PLEKHM3: variants seen among roughly 807,000 people sequenced by gnomAD.
The protein encoded by PLEKHM3 is pleckstrin homology domain-containing family M member 3.
PLEKHM3 carries 45 observed loss-of-function variants against 81.8 expected under a neutral mutation model. The ratio of observed to expected loss-of-function variants is 0.55; its 90% CI spans 0.43 to 0.71. PLEKHM3 has a LOEUF of 0.71. Among genes scored for constraint, PLEKHM3 ranks in the 30% least tolerant of loss-of-function variants. The pLI is 0.00. For missense variants in PLEKHM3, 788 were observed against 924.3 expected, an observed-to-expected ratio of 0.85 and a Z score of 1.91; for synonymous variants, 352 against 356.4, an observed-to-expected ratio of 0.99 and a Z score of 0.14.
intron 1 of PLEKHM3, among the ~76,000 whole-genome samples, chr2:208,012,343 G>T (rs1692731099): frequency 6.6e-6 from 1 of 152,192 alleles, no homozygotes; most frequent in Admixed American, 6.5e-5. Flanking sequence ...AGAGAGGTGA[G>T]TAAAGTAATG....
intron 6 of PLEKHM3, among the ~76,000 whole-genome samples, chr2:207,898,823 G>A (rs905305087): frequency 7.2e-5 from 11 of 152,258 alleles, no homozygotes; most frequent in African/African-American, 2.4e-4. Flanking sequence ...TCGGGCTCAG[G>A]AGGTCAAAGC....
chr2:207,832,945 C>G (rs939907398), intron 7 of PLEKHM3, among the ~76,000 whole-genome samples: 1 of 151,744 alleles, frequency 6.6e-6, no homozygotes, highest in African/African-American at 2.4e-5. Context: ...AACCCTGTCT[C>G]TACTAAAAAC....
In PLEKHM3 at chr2:207,822,326, G is replaced by T. The variant is rs1015892658; in HGVS notation, c.*5993C>A. ...AAAACCTTTGAAAGGTGAAAGATAA[G>T]AAAATCCTTGTGTTTGTGTAATTTT... On this transcript the variant is annotated 3_prime_UTR_variant, in exon 8 of 8. Coordinates refer to ENST00000427836, the MANE Select transcript of PLEKHM3 (RefSeq NM_001080475.3). 1.3e-5 allele frequency: 2 copies of T among 152,654 alleles called. No homozygotes were observed. The highest frequency in any genetic ancestry group is 4.8e-5 in the African/African-American group (2 of 41,454). 9.5% of individuals were successfully genotyped at this position (152,654 alleles called of 1,614,324 possible). A position where few individuals can be genotyped will look rare whatever the true frequency, so the allele number is the denominator to read the frequency against.
chr2:207,921,680 C>A (rs554610653), intron 5 of PLEKHM3, among the ~76,000 whole-genome samples: 1 of 152,214 alleles, frequency 6.6e-6, no homozygotes, highest in Non-Finnish European at 1.5e-5. Flanking sequence ...CCCTTCCCCA[C>A]CTCTAGTGAC....
At chr2:207,853,272 C>T (rs1333248965) in intron 7 of PLEKHM3, among the ~76,000 whole-genome samples, 1 of 151,754 alleles carries the variant, frequency 6.6e-6, no homozygotes, top group Admixed American at 6.6e-5. Context: ...ACAAAATTAG[C>T]CGAGTGTCTT....
rs1156274782 is a variant in PLEKHM3 at position 207,827,282 on chromosome 2, G to C, written c.*1037C>G. Reference sequence around the variant, plus strand: ...AATGAAAGTGCAGGAAGAACAACGAGAAATAAAGCACTTAAAATGAATAGG... The same window carrying C: ...AATGAAAGTGCAGGAAGAACAACGACAAATAAAGCACTTAAAATGAATAGG... On this transcript the variant is annotated 3_prime_UTR_variant, in exon 8 of 8. Coordinates refer to ENST00000427836, the MANE Select transcript of PLEKHM3 (RefSeq NM_001080475.3). The C allele has an allele frequency of 6.6e-6, 1 of 151,356 alleles. No homozygotes were observed. The highest frequency in any genetic ancestry group is 2.2e-4 in the South Asian group (1 of 4,640). The allele number at this position is 151,356 out of a possible 1,614,324, so 9.4% of individuals were successfully genotyped here.
intron 3 of PLEKHM3, among the ~76,000 whole-genome samples, chr2:207,950,117 G>C (rs556483507): frequency 6.6e-6 from 1 of 152,140 alleles, no homozygotes; most frequent in African/African-American, 2.4e-5. Context: ...GGTCCATTCA[G>C]GTTTTAGTTT....
intron 1 of PLEKHM3, among the ~76,000 whole-genome samples, chr2:208,015,490 T>A (rs1692874385): frequency 6.6e-6 from 1 of 152,068 alleles, no homozygotes; most frequent in African/African-American, 2.4e-5. Flanking sequence ...AAAAATCACC[T>A]CTATAATACT....
At chr2:208,020,225 G>C (rs1693080527) in intron 1 of PLEKHM3, among the ~76,000 whole-genome samples, 1 of 152,232 alleles carries the variant, frequency 6.6e-6, no homozygotes, top group Admixed American at 6.5e-5. Context: ...GGTTACACTA[G>C]TCAGGAGAAC....
At chr2:207,831,323 G>C (rs980234622) in intron 7 of PLEKHM3, among the ~76,000 whole-genome samples, 3 of 152,218 alleles carry the variant, frequency 2.0e-5, no homozygotes, top group African/African-American at 4.8e-5. Context: ...AGTTGTGACT[G>C]GAACCCAGGG....
In PLEKHM3 at chr2:207,977,032, G is replaced by A. The variant is rs1259449242; in HGVS notation, c.1165C>T (p.Leu389Phe). 1.2e-6 allele frequency: 2 copies of A among 1,614,110 alleles called. No individual in the cohort carries two copies. Among genetic ancestry groups the A allele is most frequent in the Non-Finnish European group, 1.7e-6 (2 of 1,180,052 alleles). The change falls in exon 3 of 8, where the codon CTT becomes TTT. Residue 389 changes from leucine (L) to phenylalanine (F), a missense_variant. By Grantham distance (22) the Leu-to-Phe change is conservative. Coordinates refer to ENST00000427836, the MANE Select transcript of PLEKHM3 (RefSeq NM_001080475.3). ...AGCTTGCCAGGCTGAAAAGCCATAA[G>A]GTAAGCCCTGCTCAGCACAAATGTA... is the stretch of plus-strand genomic sequence containing the variant. Reference protein sequence around the residue: ...AFTFVLSRAYLMAFQPGKLDE... With the variant: ...AFTFVLSRAYFMAFQPGKLDE...
In PLEKHM3 at chr2:207,867,719, G is replaced by A. The variant is rs142301061; in HGVS notation, c.1951-6457C>T. Among the ~76,000 whole-genome samples, 357 of 152,002 alleles carry A rather than the reference G, an allele frequency of 2.3e-3. 1 individual carries two copies. Among genetic ancestry groups the A allele is most frequent in the Non-Finnish European group, 4.5e-3 (307 of 68,010 alleles). On this transcript the variant is annotated intron_variant, in intron 6 of 7. Transcript: ENST00000427836. ...TACACACATAGACATATACATTTATGTTTATAAATATATTATTTATTTATT... is the reference window on the plus strand; with the variant it reads ...TACACACATAGACATATACATTTATATTTATAAATATATTATTTATTTATT...
intron 3 of PLEKHM3, among the ~76,000 whole-genome samples, chr2:207,946,901 C>G (rs1198822556): frequency 6.6e-6 from 1 of 152,158 alleles, no homozygotes; most frequent in Non-Finnish European, 1.5e-5. Flanking sequence ...GTTTAACCAG[C>G]ACCACTTCTC....
Position 207,842,305 on chromosome 2 carries a change from A to G in PLEKHM3, c.2109-13809T>C, listed in dbSNP as rs79632827. 2.0e-3 allele frequency among the ~76,000 whole-genome samples: 298 copies of G among 152,328 alleles called. 1 individual carries two copies. Among genetic ancestry groups the G allele is most frequent in the African/African-American group, 7.0e-3 (291 of 41,576 alleles). ...GATGCACCTGTATAATAAACACCTCAGGTAGTTAAGAACTAATCCTGGCTT... is the reference window on the plus strand; with the variant it reads ...GATGCACCTGTATAATAAACACCTCGGGTAGTTAAGAACTAATCCTGGCTT... On this transcript the variant is annotated intron_variant, in intron 7 of 7. Coordinates refer to ENST00000427836, the MANE Select transcript of PLEKHM3 (RefSeq NM_001080475.3).
rs983710340 is a variant in PLEKHM3, at chr2:207,937,439, G to A, written c.1693-6320C>T. 2.6e-5 allele frequency among the ~76,000 whole-genome samples: 4 copies of A among 151,902 alleles called. No homozygotes were observed. In the East Asian group the frequency reaches 5.8e-4, roughly 22 times the overall value. On this transcript the variant is annotated intron_variant, in intron 4 of 7. Transcript: ENST00000427836. ...TTAAAAATTAGCCAGGTGTAGTGGC[G>A]TGCGCCTGTAGTCCCAACTACTCAG...
intron 6 of PLEKHM3, among the ~76,000 whole-genome samples, chr2:207,884,147 CA>C (rs903462115): frequency 2.7e-5 from 4 of 146,490 alleles, no homozygotes; most frequent in Admixed American, 7.0e-5. Flanking sequence ...CCCCACCCCC[CA>C]AAAAAAACCA....
At chr2:207,878,835 A>AT (rs960899752) in intron 6 of PLEKHM3, among the ~76,000 whole-genome samples, 47 of 151,414 alleles carry the variant, frequency 3.1e-4, no homozygotes, top group Admixed American at 8.5e-4. Flanking sequence ...TTTTATTTTT[A>AT]TTTTTTTTAT....
In PLEKHM3 at chr2:207,865,801, A is replaced by AAAAAAATAT; in HGVS notation, c.1951-4540_1951-4539insATATTTTTT. On this transcript the variant is annotated intron_variant, in intron 6 of 7. Coordinates refer to ENST00000427836, the MANE Select transcript of PLEKHM3 (RefSeq NM_001080475.3). ...CGACTCAAAAAAAAAAAAAAAAAAA[A>AAAAAAATAT]AGATATATATATATATATATATATA... Among the ~76,000 whole-genome samples, 21 of 25,274 alleles carry AAAAAAATAT rather than the reference A, an allele frequency of 8.3e-4. 3 individuals carry two copies. Among genetic ancestry groups the AAAAAAATAT allele is most frequent in the East Asian group, 3.3e-3 (3 of 902 alleles). The allele number at this position is 25,274 out of a possible 152,430, so 16.6% of individuals were successfully genotyped here. A position where few individuals can be genotyped will look rare whatever the true frequency, so the allele number is the denominator to read the frequency against.
chr2:207,946,446 T>A lies in PLEKHM3; in HGVS notation c.1613A>T (p.Tyr538Phe). 1 of 1,614,138 alleles carries A rather than the reference T, an allele frequency of 6.2e-7. No homozygotes were observed. The highest frequency in any genetic ancestry group is 8.5e-7 in the Non-Finnish European group (1 of 1,180,004). ...AKVCNYSGWY[Y>F]CSSCHVDDSF... ...GTCATCCACGTGGCAGCTACTGCAG[T>A]AATACCACCCACTGTAGTTGCACAC... The change falls in exon 4 of 8, where the codon TAC (tyrosine) becomes TTC (phenylalanine). Residue 538 changes from tyrosine (Y) to phenylalanine (F), a missense_variant. Coordinates refer to ENST00000427836, the MANE Select transcript of PLEKHM3 (RefSeq NM_001080475.3).
Sources: allele counts gnomAD v4.1 joint callset (sites outside exome capture counted in the v4.1 genomes callset), GRCh38; gene constraint gnomAD v4.1.1; transcripts MANE v1.5; gene names NCBI Gene and HGNC (gene_info 2026-07-23, HGNC 2026-07-21).